The following CSMD1 variants were observed in gnomAD, a reference collection of about 807,000 sequenced individuals.
CSMD1 encodes the protein CUB and sushi domain-containing protein 1.
CSMD1 carries 213 observed loss-of-function variants against 417.5 expected under a neutral mutation model. The ratio of observed to expected loss-of-function variants is 0.51; its 90% confidence interval spans 0.46 to 0.57. The LOEUF (loss-of-function observed/expected upper bound fraction) is 0.57. Ranked by LOEUF, CSMD1 falls within the 20% of genes least tolerant of loss-of-function variation. The probability of loss-of-function intolerance (pLI) is 0.00; values close to 1 mark genes in which losing one functional copy is unlikely to be tolerated. For synonymous variants in CSMD1, 2,862 were observed against 1,736.8 expected (o/e 1.65, Z -16.11); for missense variants, 6,923 against 4,529.7 (o/e 1.53, Z -15.17).
At chr8:4,967,547 C>A (rs375517357) in intron 1 of CSMD1, among the ~76,000 whole-genome samples, 2 of 152,074 alleles carry the variant, frequency 1.3e-5, no homozygotes, top group Non-Finnish European at 2.9e-5. Context: ...CAATATTTTC[C>A]CCCATGCAAA....
intron 10 of CSMD1, among the ~76,000 whole-genome samples, chr8:3,555,188 G>C (rs766326364): frequency 7.9e-5 from 12 of 151,952 alleles, no homozygotes; most frequent in Non-Finnish European, 1.8e-4. Flanking sequence ...GTGTCTGGGA[G>C]GTGTAGGGAA....
At chr8:3,245,672 T>C (rs1335956972) in intron 26 of CSMD1, among the ~76,000 whole-genome samples, 2 of 152,158 alleles carry the variant, frequency 1.3e-5, no homozygotes, top group Non-Finnish European at 2.9e-5. Context: ...CCTCCTTTCA[T>C]AAGGATGTAC....
chr8:4,325,728 C>T (rs536548708), intron 3 of CSMD1, among the ~76,000 whole-genome samples: 38 of 152,252 alleles, frequency 2.5e-4, no homozygotes, highest in African/African-American at 8.9e-4. Context: ...TGGAATCCAA[C>T]ACTGAGAAGG....
chr8:3,503,862 G>A (rs1036917235), intron 10 of CSMD1, among the ~76,000 whole-genome samples: 14 of 120,058 alleles, frequency 1.2e-4, no homozygotes, highest in Non-Finnish European at 5.1e-5. Flanking sequence ...ACTCTTCCTA[G>A]CCCCTGGTAG....
At chr8:4,471,704 A>C (rs147101496) in intron 2 of CSMD1, among the ~76,000 whole-genome samples, 188 of 151,792 alleles carry the variant, frequency 1.2e-3, no homozygotes, top group African/African-American at 4.2e-3. Flanking sequence ...AACACGACCC[A>C]TCTTCAAAGA....
chr8:3,411,817 CGT>C (rs1812743189), intron 12 of CSMD1, among the ~76,000 whole-genome samples: 3 of 87,274 alleles, frequency 3.4e-5, no homozygotes, highest in African/African-American at 4.9e-5. Flanking sequence ...CGTATATATA[CGT>C]GTATATGTAT....
At chr8:3,329,093 G>A (rs755206340) in intron 23 of CSMD1, among the ~76,000 whole-genome samples, 13 of 152,134 alleles carry the variant, frequency 8.5e-5, no homozygotes, top group Non-Finnish European at 1.6e-4. Context: ...TTGAGGGAGA[G>A]AGAAGATGCC....
At chr8:4,414,494 G>A (rs1414474235) in intron 3 of CSMD1, among the ~76,000 whole-genome samples, 1 of 152,054 alleles carries the variant, frequency 6.6e-6, no homozygotes, top group Admixed American at 6.5e-5. Context: ...ATCCTATACT[G>A]AGCAATATTT....
At chr8:3,380,031 T>A (rs963212186) in intron 18 of CSMD1, among the ~76,000 whole-genome samples, 1 of 152,102 alleles carries the variant, frequency 6.6e-6, no homozygotes, top group African/African-American at 2.4e-5. Flanking sequence ...TACAAAGAAC[T>A]TGAACAAATT....
At chr8:4,724,174 T>C (rs556139666) in intron 1 of CSMD1, among the ~76,000 whole-genome samples, 2 of 152,212 alleles carry the variant, frequency 1.3e-5, no homozygotes, top group South Asian at 2.1e-4. Context: ...TCCAGAATGC[T>C]TTTCATGAGT....
intron 6 of CSMD1, among the ~76,000 whole-genome samples, chr8:3,719,935 C>T (rs997759585): frequency 6.6e-6 from 1 of 152,118 alleles, no homozygotes; most frequent in Non-Finnish European, 1.5e-5. Context: ...ATCGCAGATT[C>T]CTCGTGTGTT....
intron 48 of CSMD1, among the ~76,000 whole-genome samples, chr8:3,089,447 A>C (rs989853631): frequency 6.6e-6 from 1 of 152,214 alleles, no homozygotes; most frequent in Non-Finnish European, 1.5e-5. Context: ...TGTCGTTTTT[A>C]ACTCGGATTT....
At chr8:4,897,716 G>A (rs939101921) in intron 1 of CSMD1, among the ~76,000 whole-genome samples, 10 of 151,906 alleles carry the variant, frequency 6.6e-5, no homozygotes, top group Non-Finnish European at 1.5e-4. Flanking sequence ...CATTCTATCT[G>A]CGTATTGAAG....
chr8:4,599,687 G>C (rs1410523327), intron 2 of CSMD1, among the ~76,000 whole-genome samples: 3 of 152,112 alleles, frequency 2.0e-5, no homozygotes, highest in African/African-American at 4.8e-5. Context: ...TTCACCATCA[G>C]CATGGCCCAG....
chr8:4,375,276 G>GA (rs1228739971), intron 3 of CSMD1, among the ~76,000 whole-genome samples: 1 of 152,072 alleles, frequency 6.6e-6, no homozygotes, highest in Non-Finnish European at 1.5e-5. Flanking sequence ...CAGACTTCAG[G>GA]AAAAGACACA....
chr8:3,546,966 T>C (rs1294124425), intron 10 of CSMD1, among the ~76,000 whole-genome samples: 2 of 152,230 alleles, frequency 1.3e-5, no homozygotes, highest in East Asian at 1.9e-4. Context: ...GAAAACCTCC[T>C]GGAAGAAGGG....
chr8:3,785,310 G>A (rs1002652996), intron 5 of CSMD1, among the ~76,000 whole-genome samples: 1 of 152,204 alleles, frequency 6.6e-6, no homozygotes, highest in Non-Finnish European at 1.5e-5. Context: ...TGAAACTTCA[G>A]GCTGCGGAAA....
chr8:4,737,273 G>C (rs1346316027), intron 1 of CSMD1, among the ~76,000 whole-genome samples: 1 of 152,046 alleles, frequency 6.6e-6, no homozygotes, highest in Non-Finnish European at 1.5e-5. Flanking sequence ...CTTATAAGTG[G>C]GAGCTAACTG....
intron 1 of CSMD1, among the ~76,000 whole-genome samples, chr8:4,881,051 C>T (rs1803363494): frequency 6.6e-6 from 1 of 151,874 alleles, no homozygotes; most frequent in Admixed American, 6.6e-5. Context: ...GCTCAGTTCC[C>T]AACTCTTTTC....
Sources: gnomAD v4.1 joint callset for allele counts (sites outside exome capture counted in the v4.1 genomes callset) on GRCh38, gnomAD v4.1.1 for gene constraint, MANE v1.5 for transcripts, NCBI Gene and HGNC (gene_info 2026-07-23, HGNC 2026-07-21) for gene names.